C20orf96: variants seen among roughly 807,000 people sequenced by gnomAD.
The protein encoded by C20orf96 is uncharacterized protein C20orf96.
C20orf96 carries 57 observed loss-of-function variants against 52.6 expected under a neutral mutation model. The ratio of observed to expected loss-of-function variants is 1.08; its 90% CI spans 0.88 to 1.35. The LOEUF is 1.35. C20orf96 is among the 40% of genes most tolerant of loss of function. The pLI, the probability that C20orf96 is intolerant of heterozygous loss-of-function variation, is 0.00. For missense variants in C20orf96, 478 were observed against 443.6 expected, an observed-to-expected ratio of 1.08 and a Z score of -0.70; for synonymous variants, 168 against 157.2, an observed-to-expected ratio of 1.07 and a Z score of -0.51.
At chr20:288,164 TTTTC>T (rs1354257466) in intron 3 of C20orf96, among the ~76,000 whole-genome samples, 15 of 136,188 alleles carry the variant, frequency 1.1e-4, no homozygotes, top group African/African-American at 3.2e-4. Flanking sequence ...ATTTCTTTCT[TTTTC>T]TTTTTCTTTT....
intron 6 of C20orf96, 37 bp downstream of exon 6, chr20:278,292 CA>C (rs372345531): frequency 9.3e-6 from 14 of 1,513,434 alleles, no homozygotes; most frequent in South Asian, 6.7e-5. Context: ...CCCAAGGTGC[CA>C]GGGGGGAGGG....
At chr20:279,475 G>GT (rs2012191882) in intron 4 of C20orf96, 145 bp from the exon 5 acceptor site, 1 of 890,788 alleles carries the variant, frequency 1.1e-6, no homozygotes, top group Admixed American at 3.8e-5. Context: ...AAGCTGGGCG[G>GT]TTCCCCATTG....
intron 10 of C20orf96, 61 bp downstream of exon 10, chr20:275,907 A>G (rs760036593): frequency 8.0e-6 from 12 of 1,498,398 alleles, no homozygotes; most frequent in Non-Finnish European, 1.0e-5. Flanking sequence ...CCAAGAACAG[A>G]GAGCCTCCGT....
In C20orf96 at chr20:276,103, A is replaced by G. The variant is rs1360984396; in HGVS notation, c.913-17T>C. The G allele has an allele frequency of 6.2e-7, 1 of 1,610,256 alleles. No individual in the cohort carries two copies. The highest frequency in any genetic ancestry group is 1.7e-5 in the Admixed American group (1 of 59,844). On this transcript the variant is annotated splice_polypyrimidine_tract_variant and intron_variant, in intron 9 of 10. Coordinates refer to ENST00000360321, the MANE Select transcript of C20orf96 (RefSeq NM_153269.3). ...GTCAATAATCTGAGAGGAAAGGCAC[A>G]GCAGGGGAGAAGGGAGAGGCAAATG...
In C20orf96 at chr20:276,863, T is replaced by G; in HGVS notation, c.842A>C (p.Tyr281Ser). The G allele has an allele frequency of 6.2e-7, 1 of 1,613,978 alleles. No individual in the cohort carries two copies. Among genetic ancestry groups the G allele is most frequent in the Non-Finnish European group, 8.5e-7 (1 of 1,179,926 alleles). ...SSVVAETQRP[Y>S]EEALLQKMWE... ...CATCTTCTGTAGGAGAGCCTCTTCA[T>G]AGGGACGCTGGGTTTCCTGTGGAGG... Residue 281 changes from tyrosine (Y) to serine (S), a missense_variant, in exon 9 of 11, where the codon TAT (tyrosine) becomes TCT (serine). Coordinates refer to ENST00000360321, the MANE Select transcript of C20orf96 (RefSeq NM_153269.3).
chr20:288,930 G>A (rs1166046583), intron 3 of C20orf96, among the ~76,000 whole-genome samples: 1 of 152,190 alleles, frequency 6.6e-6, no homozygotes, highest in African/African-American at 2.4e-5. Flanking sequence ...AGAGATGAAT[G>A]ATTTTTCCAA....
At position 275,133 on chromosome 20, in the gene C20orf96, G is replaced by C. The variant is rs1224643323; in HGVS notation, c.1031+835C>G. 2.0e-5 allele frequency among the ~76,000 whole-genome samples: 3 copies of C among 152,246 alleles called. No individual in the cohort carries two copies. In the East Asian group the frequency reaches 5.8e-4, roughly 29 times the overall value. The stretch of plus-strand genomic sequence containing the variant: ...CACCCAGCTCCTAAGAGTCACTTTT[G>C]CAGTGGCATGTACTCTACTCAGCAG... On this transcript the variant is annotated intron_variant, in intron 10 of 10. Coordinates refer to ENST00000360321, the MANE Select transcript of C20orf96 (RefSeq NM_153269.3).
At chr20:275,213 C>G (rs576973310) in intron 10 of C20orf96, among the ~76,000 whole-genome samples, 1 of 152,320 alleles carries the variant, frequency 6.6e-6, no homozygotes, top group South Asian at 2.1e-4. Context: ...CGACTCATGT[C>G]CAGTTCCCTC....
chr20:288,174 C>CTTTTTTTTTTTTTTTTTTTT (rs1237648367), intron 3 of C20orf96, among the ~76,000 whole-genome samples: 45 of 66,050 alleles, frequency 6.8e-4, no homozygotes, highest in South Asian at 1.3e-3. Flanking sequence ...TTTTCTTTTT[C>CTTTTTTTTTTTTTTTTTTTT]TTTTTTTTTT....
chr20:279,187 C>G lies in C20orf96; in HGVS notation c.450G>C (p.Gln150His). Residue 150 changes from glutamine to histidine, a missense_variant, in exon 5 of 11, where the codon CAG (glutamine) becomes CAC (histidine). Physicochemically the swap from Gln to His is conservative, Grantham distance 24 (BLOSUM62 0). Coordinates refer to ENST00000360321, the MANE Select transcript of C20orf96 (RefSeq NM_153269.3). Reference sequence around the variant, plus strand: ...CGGGTCTCACCGCCAGGGTGTCCTGCTGCTGCAGCAGGGCCCGCACGTGCA... The same window carrying G: ...CGGGTCTCACCGCCAGGGTGTCCTGGTGCTGCAGCAGGGCCCGCACGTGCA... ...TTLHVRALLQQQDTLATIIDI... is the reference protein window; with the variant it reads ...TTLHVRALLQHQDTLATIIDI... 6.3e-7 allele frequency: 1 copy of G among 1,599,596 alleles called. No homozygotes were observed. Among genetic ancestry groups the G allele is most frequent in the Non-Finnish European group, 8.5e-7 (1 of 1,175,890 alleles).
intron 5 of C20orf96, among the ~76,000 whole-genome samples, 168 bp downstream of exon 5, chr20:279,004 G>A (rs1465365171): frequency 4.1e-5 from 1 of 24,454 alleles, no homozygotes. Context: ...GGGACGGCGG[G>A]AGGGCGGGAC....
intron 3 of C20orf96, among the ~76,000 whole-genome samples, chr20:286,765 C>T (rs549489861): frequency 6.6e-6 from 1 of 152,108 alleles, no homozygotes; most frequent in Non-Finnish European, 1.5e-5. Context: ...CCACAAGGAT[C>T]CTGCCTGTCG....
intron 10 of C20orf96, among the ~76,000 whole-genome samples, chr20:271,538 C>G (rs911743832): frequency 4.6e-5 from 7 of 152,008 alleles, no homozygotes. Flanking sequence ...GTTCCCCTGA[C>G]AAGTCTGAGG....
At position 279,346 on chromosome 20, in the gene C20orf96, A is replaced by C; in HGVS notation, c.307-16T>G. ...TGAGCGAGGTCTGCGGGCGGAGGGAAGAGCAGAGAGGCGGCGCTGCGCCCT... is the reference window on the plus strand; with the variant it reads ...TGAGCGAGGTCTGCGGGCGGAGGGACGAGCAGAGAGGCGGCGCTGCGCCCT... On this transcript the variant is annotated splice_polypyrimidine_tract_variant and intron_variant, in intron 4 of 10. Coordinates refer to ENST00000360321, the MANE Select transcript of C20orf96 (RefSeq NM_153269.3). 6.3e-7 allele frequency: 1 copy of C among 1,599,030 alleles called. No homozygotes were observed. The highest frequency in any genetic ancestry group is 8.5e-7 in the Non-Finnish European group (1 of 1,178,276).
intron 7 of C20orf96, 24 bp downstream of exon 7, chr20:277,202 G>A (rs367924045): frequency 2.4e-5 from 38 of 1,613,878 alleles, no homozygotes; most frequent in Non-Finnish European, 3.1e-5. Flanking sequence ...CAGTCTGGTG[G>A]GAGAGGGGCA....
At chr20:278,248 G>A (rs2012093016) in intron 6 of C20orf96, 82 bp downstream of exon 6, 3 of 999,672 alleles carry the variant, frequency 3.0e-6, no homozygotes, top group African/African-American at 3.2e-5. Context: ...TTTCTGAATG[G>A]CAAGTACAAG....
At chr20:277,499 T>TGAGGTG in intron 6 of C20orf96, 116 bp from the exon 7 acceptor site, 1 of 1,010,340 alleles carries the variant, frequency 9.9e-7, no homozygotes, top group South Asian at 1.5e-5. Context: ...GGGTCTGGGC[T>TGAGGTG]GAGGTGAGCT....
Position 278,401 on chromosome 20 carries a change from T to A in C20orf96, c.494A>T (p.Asn165Ile). ...ATIIDILEYS[N>I]KKRLQQLKSE... ...TTTCAATTGCTGCAGCCTCTTCTTG[T>A]TTGAGTACTCCAAGATGTCGATGAT... The change falls in exon 6 of 11, where the codon AAC becomes ATC. Residue 165 changes from asparagine (N) to isoleucine (I), a missense_variant. Asn to Ile is a moderately radical substitution (Grantham distance 149, BLOSUM62 -3). Coordinates refer to ENST00000360321, the MANE Select transcript of C20orf96 (RefSeq NM_153269.3). The A allele has an allele frequency of 6.2e-7, 1 of 1,613,874 alleles. No individual in the cohort carries two copies. Among genetic ancestry groups the A allele is most frequent in the Non-Finnish European group, 8.5e-7 (1 of 1,179,884 alleles).
Position 279,186 on chromosome 20 carries a change from GCTGCTGCAGC to G in C20orf96, c.441_450del (p.Leu148ArgfsTer22), listed in dbSNP as rs1404584441. The G allele has an allele frequency of 6.2e-7, 1 of 1,601,194 alleles. No individual in the cohort carries two copies. The highest frequency in any genetic ancestry group is 8.5e-7 in the Non-Finnish European group (1 of 1,176,638). On this transcript the variant is annotated frameshift_variant, in exon 5 of 11. Coordinates refer to ENST00000360321, the MANE Select transcript of C20orf96 (RefSeq NM_153269.3). LOFTEE classifies it high-confidence loss of function. Reference sequence around the variant, plus strand: ...GCGGGTCTCACCGCCAGGGTGTCCTGCTGCTGCAGCAGGGCCCGCACGTGCAGGGTCGTGC... The same window carrying G: ...GCGGGTCTCACCGCCAGGGTGTCCTGAGGGCCCGCACGTGCAGGGTCGTGC...
Sources: allele counts gnomAD v4.1 joint callset (sites outside exome capture counted in the v4.1 genomes callset), GRCh38; gene constraint gnomAD v4.1.1; transcripts MANE v1.5; gene names NCBI Gene and HGNC (gene_info 2026-07-23, HGNC 2026-07-21).